The following CERS6 variants were observed in gnomAD, a reference collection of about 807,000 sequenced individuals.
The protein encoded by CERS6 is LAG1 homolog, ceramide synthase 6.
A neutral mutation model predicts 56.8 loss-of-function variants in CERS6; 26 were observed. The observed-to-expected ratio is 0.46, with a 90% CI of 0.34 to 0.63. The LOEUF (loss-of-function observed/expected upper bound fraction) is 0.63, where lower values mean the gene tolerates loss of function less well. Ranked by LOEUF, CERS6 falls within the 30% of genes least tolerant of loss-of-function variation. The pLI is 0.01. For synonymous variants in CERS6, 164 were observed against 173.3 expected (o/e 0.95, Z 0.42); for missense variants, 415 against 467.5 (o/e 0.89, Z 1.04).
Position 168,771,965 on chromosome 2 carries a change from A to T in CERS6, c.*2303A>T, listed in dbSNP as rs1684871006. On this transcript the variant is annotated 3_prime_UTR_variant, in exon 10 of 10. Transcript: ENST00000305747. The stretch of plus-strand genomic sequence containing the variant: ...ACACAGTCGTCTATGTTATCCAGAG[A>T]TTTTTATTTCATTTTACATTTTAGG... The T allele has an allele frequency of 6.6e-6, 1 of 152,146 alleles. No individual in the cohort carries two copies. The highest frequency in any genetic ancestry group is 2.1e-4 in the South Asian group (1 of 4,838). 9.4% of individuals were successfully genotyped at this position (152,146 alleles called of 1,614,324 possible).
chr2:168,590,470 A>G (rs1683646352), intron 3 of CERS6, among the ~76,000 whole-genome samples: 1 of 152,202 alleles, frequency 6.6e-6, no homozygotes, highest in Non-Finnish European at 1.5e-5. Flanking sequence ...TGTCAGGGAC[A>G]TGATATTCCT....
intron 1 of CERS6, among the ~76,000 whole-genome samples, chr2:168,473,786 C>G (rs1694020299): frequency 6.6e-6 from 1 of 152,208 alleles, no homozygotes; most frequent in Non-Finnish European, 1.5e-5. Context: ...TTTCTTCTAT[C>G]TCACTTTCTT....
intron 4 of CERS6, among the ~76,000 whole-genome samples, chr2:168,647,805 G>A (rs1685241631): frequency 6.6e-6 from 1 of 152,112 alleles, no homozygotes; most frequent in African/African-American, 2.4e-5. Context: ...TTATGTGATG[G>A]ATCACATTTA....
rs567612053 is a variant in CERS6 at position 168,748,651 on chromosome 2, G to C, written c.846-16941G>C. On this transcript the variant is annotated intron_variant, in intron 8 of 9. Coordinates refer to ENST00000305747, the MANE Select transcript of CERS6 (RefSeq NM_203463.3). ...AAAGCGTTGTGTGTGCCTGTCCAAG[G>C]CTTGCCAGCAAATTGGTCACATCAG... Among the ~76,000 whole-genome samples the C allele has an allele frequency of 2.1e-4, 32 of 152,252 alleles. 1 individual carries two copies. Among genetic ancestry groups the C allele is most frequent in the African/African-American group, 7.5e-4 (31 of 41,532 alleles).
At chr2:168,579,890 A>G (rs547992787) in intron 3 of CERS6, among the ~76,000 whole-genome samples, 17 of 151,944 alleles carry the variant, frequency 1.1e-4, no homozygotes, top group African/African-American at 4.1e-4. Flanking sequence ...CTTTCCCATC[A>G]TCCTGGAACG....
chr2:168,680,808 A>G (rs6724250), intron 4 of CERS6, among the ~76,000 whole-genome samples: 3,004 of 152,318 alleles, frequency 0.02, 101 homozygotes, highest in African/African-American at 0.069. Context: ...TTGATCTTGG[A>G]CTAACAGCCT....
intron 1 of CERS6, among the ~76,000 whole-genome samples, chr2:168,457,305 A>G (rs762147620): frequency 6.6e-6 from 1 of 152,234 alleles, no homozygotes; most frequent in Non-Finnish European, 1.5e-5. Context: ...TGGTGATATT[A>G]AACTGATAAC....
Position 168,524,497 on chromosome 2 carries a change from A to G in CERS6, c.171-23099A>G, listed in dbSNP as rs553984332. ...GGGTCAAGCTGAAATGAGAATGGAG[A>G]CTCAGATAGAGACGGAATTGAGACA... On this transcript the variant is annotated intron_variant, in intron 1 of 9. Coordinates refer to ENST00000305747, the MANE Select transcript of CERS6 (RefSeq NM_203463.3). 3.7e-4 allele frequency among the ~76,000 whole-genome samples: 57 copies of G among 152,264 alleles called. 2 individuals carry two copies. In the South Asian group the frequency reaches 0.011, roughly 30 times the overall value.
intron 1 of CERS6, among the ~76,000 whole-genome samples, chr2:168,501,132 G>A (rs1574026391): frequency 1.3e-5 from 2 of 152,232 alleles, no homozygotes; most frequent in South Asian, 2.1e-4. Flanking sequence ...TATGAAGGCA[G>A]TTCACTGTCG....
intron 8 of CERS6, among the ~76,000 whole-genome samples, chr2:168,726,982 T>C (rs1329278063): frequency 6.6e-6 from 1 of 152,202 alleles, no homozygotes; most frequent in East Asian, 1.9e-4. Flanking sequence ...CAGTTTGCCA[T>C]ATTCTCACAA....
At chr2:168,495,268 A>C (rs1694445013) in intron 1 of CERS6, among the ~76,000 whole-genome samples, 1 of 152,222 alleles carries the variant, frequency 6.6e-6, no homozygotes. Flanking sequence ...TAAAAAATTT[A>C]ACTCCTTTCT....
chr2:168,589,340 C>T (rs894966071), intron 3 of CERS6, among the ~76,000 whole-genome samples: 5 of 152,132 alleles, frequency 3.3e-5, no homozygotes, highest in African/African-American at 1.2e-4. Flanking sequence ...GTAGATAGGT[C>T]GTGCTATCTC....
chr2:168,524,709 C>G (rs149256947), intron 1 of CERS6, among the ~76,000 whole-genome samples: 1 of 152,142 alleles, frequency 6.6e-6, no homozygotes, highest in Non-Finnish European at 1.5e-5. Context: ...TAGAATGAGA[C>G]AGATGATCAT....
chr2:168,673,694 T>C (rs1685980496), intron 4 of CERS6, among the ~76,000 whole-genome samples: 1 of 152,230 alleles, frequency 6.6e-6, no homozygotes, highest in Non-Finnish European at 1.5e-5. Context: ...TGCTCCTCCC[T>C]ATTCCCTGCT....
chr2:168,623,753 T>C (rs949336643), intron 3 of CERS6, among the ~76,000 whole-genome samples: 1 of 152,178 alleles, frequency 6.6e-6, no homozygotes, highest in Non-Finnish European at 1.5e-5. Flanking sequence ...ACTCAAAAAA[T>C]AGGCAGTATA....
At chr2:168,680,316 A>C (rs1341656939) in intron 4 of CERS6, among the ~76,000 whole-genome samples, 2 of 151,938 alleles carry the variant, frequency 1.3e-5, no homozygotes, top group African/African-American at 2.4e-5. Context: ...CGGGCATCTC[A>C]CCTTCTCAGC....
chr2:168,634,125 A>G (rs1384876032), intron 4 of CERS6, among the ~76,000 whole-genome samples: 1 of 152,230 alleles, frequency 6.6e-6, no homozygotes, highest in Admixed American at 6.5e-5. Flanking sequence ...ACAACCTTAC[A>G]GACATGTTAG....
chr2:168,766,801 C>G (rs1684743360), intron 9 of CERS6, among the ~76,000 whole-genome samples: 1 of 152,216 alleles, frequency 6.6e-6, no homozygotes, highest in South Asian at 2.1e-4. Context: ...CCTGACCACT[C>G]TGACTCATCA....
intron 4 of CERS6, among the ~76,000 whole-genome samples, chr2:168,643,541 C>G (rs928231161): frequency 1.3e-5 from 2 of 152,162 alleles, no homozygotes; most frequent in Non-Finnish European, 2.9e-5. Context: ...CAAAAATGCA[C>G]CATTCTATAC....
Sources: allele counts gnomAD v4.1 joint callset (sites outside exome capture counted in the v4.1 genomes callset), GRCh38; gene constraint gnomAD v4.1.1; transcripts MANE v1.5; gene names NCBI Gene and HGNC (gene_info 2026-07-23, HGNC 2026-07-21).